PFKFB3: variants seen among roughly 807,000 people sequenced by gnomAD.
The protein encoded by PFKFB3 is 6-phosphofructo-2-kinase/fructose-2,6-biphosphatase 3, also known as 6-phosphofructo-2-kinase/fructose-2,6-bisphosphatase 3.
PFKFB3 carries 33 observed loss-of-function variants against 68.0 expected under a neutral mutation model. The observed-to-expected ratio is 0.49, with a 90% CI of 0.37 to 0.65. The LOEUF (loss-of-function observed/expected upper bound fraction) is 0.65, where lower values mean the gene tolerates loss of function less well. Among genes scored for constraint, PFKFB3 ranks in the 30% least tolerant of loss-of-function variants. PFKFB3 has a pLI of 0.00. For synonymous variants in PFKFB3, 315 were observed against 288.2 expected (o/e 1.09, Z -0.94); for missense variants, 586 against 712.2 (o/e 0.82, Z 2.02).
At chr10:6,254,808 C>CTTTTTTTTTTTTT (rs144888417), downstream of PFKFB3, among the ~76,000 whole-genome samples, 4 of 61,622 alleles carry the variant, frequency 6.5e-5, 1 homozygote, top group Admixed American at 5.4e-4. Context: ...TTTTTCTGTT[C>CTTTTTTTTTTTTT]TTTTTTTTTT....
the PFKFB3 span, among the ~76,000 whole-genome samples, chr10:6,299,968 CTTTTTT>C: frequency 2.1e-5 from 1 of 48,584 alleles, no homozygotes; most frequent in South Asian, 1.4e-3. Context: ...GTTCAGAAGA[CTTTTTT>C]TTTTTTTTTT....
chr10:6,254,490 T>G lies in PFKFB3; in HGVS notation c.*121T>G, dbSNP rs1470863972. The G allele has an allele frequency of 5.0e-6, 2 of 397,504 alleles. 1 individual carries two copies. The highest frequency in any genetic ancestry group is 8.9e-6 in the Non-Finnish European group (2 of 225,942). The allele number at this position is 397,504 out of a possible 1,614,324, so 24.6% of individuals were successfully genotyped here. On this transcript the variant is annotated 3_prime_UTR_variant, in exon 15 of 15. Coordinates refer to the PFKFB3 transcript ENST00000640683. ...GTCAGTTGTGTAAAATACAGAGGTCTCCAATGGATGATGGGTAGTTTATGA... is the reference window on the plus strand; with the variant it reads ...GTCAGTTGTGTAAAATACAGAGGTCGCCAATGGATGATGGGTAGTTTATGA...
At chr10:6,235,958 C>T (rs1216587802), downstream of PFKFB3, among the ~76,000 whole-genome samples, 1 of 151,848 alleles carries the variant, frequency 6.6e-6, no homozygotes, top group Admixed American at 6.6e-5. Context: ...TTAGAGACAG[C>T]ATTTCACCAT....
chr10:6,169,535 G>T (rs1842242123), intron 1 of PFKFB3, among the ~76,000 whole-genome samples: 1 of 152,134 alleles, frequency 6.6e-6, no homozygotes, highest in South Asian at 2.1e-4. Flanking sequence ...CATTGTGTCT[G>T]TTCCCCAGGC....
intron 14 of PFKFB3, among the ~76,000 whole-genome samples, chr10:6,244,502 A>C (rs1202971254): frequency 6.6e-6 from 1 of 152,218 alleles, no homozygotes; most frequent in Non-Finnish European, 1.5e-5. Context: ...CGCAGCATCC[A>C]GAAAAGCTGT....
At chr10:6,281,172 T>TC in the PFKFB3 span, among the ~76,000 whole-genome samples, 24 of 125,458 alleles carry the variant, frequency 1.9e-4, 5 homozygotes, top group South Asian at 1.8e-3. Flanking sequence ...CCATCATATA[T>TC]ATATATATAT....
At chr10:6,172,138 C>CT (rs1460047342) in intron 1 of PFKFB3, among the ~76,000 whole-genome samples, 3 of 152,264 alleles carry the variant, frequency 2.0e-5, no homozygotes, top group African/African-American at 7.2e-5. Context: ...TGCTGGCTCA[C>CT]TCGTTTGCTG....
chr10:6,166,125 G>A (rs1842131212), intron 1 of PFKFB3, among the ~76,000 whole-genome samples: 1 of 151,962 alleles, frequency 6.6e-6, no homozygotes, highest in Admixed American at 6.6e-5. Flanking sequence ...GATTACAGGT[G>A]CCCCGCCACC....
At chr10:6,284,666 A>G in the PFKFB3 span, among the ~76,000 whole-genome samples, 1 of 152,204 alleles carries the variant, frequency 6.6e-6, no homozygotes, top group Admixed American at 6.5e-5. Flanking sequence ...AGTGTTTGCC[A>G]AGTATCACCA....
the PFKFB3 span, among the ~76,000 whole-genome samples, chr10:6,282,016 C>T: frequency 3.4e-5 from 5 of 149,228 alleles, no homozygotes; most frequent in Admixed American, 6.7e-5. Context: ...TGGAATGCAG[C>T]GACTATTCAC....
At chr10:6,204,148 C>T (rs897981997) in intron 1 of PFKFB3, among the ~76,000 whole-genome samples, 2 of 152,270 alleles carry the variant, frequency 1.3e-5, no homozygotes, top group African/African-American at 4.8e-5. Flanking sequence ...CCAGCGATCG[C>T]TTGGGAGAGG....
chr10:6,268,104 C>T, the PFKFB3 span, among the ~76,000 whole-genome samples: 5 of 152,076 alleles, frequency 3.3e-5, no homozygotes, highest in Admixed American at 6.6e-5. Flanking sequence ...CCTGTCTCCC[C>T]TCCCCCACGC....
the PFKFB3 span, among the ~76,000 whole-genome samples, chr10:6,290,789 C>T: frequency 6.6e-6 from 1 of 152,182 alleles, no homozygotes; most frequent in Admixed American, 6.5e-5. Context: ...CAGGCATAAG[C>T]CACCACGCCT....
the PFKFB3 span, among the ~76,000 whole-genome samples, chr10:6,325,968 G>A: frequency 3.5e-3 from 535 of 152,250 alleles, 2 homozygotes; most frequent in Non-Finnish European, 6.2e-3. Context: ...CTCAGAGGTG[G>A]CTTCATAATA....
chr10:6,283,246 G>A, the PFKFB3 span, among the ~76,000 whole-genome samples: 1 of 152,202 alleles, frequency 6.6e-6, no homozygotes. Flanking sequence ...GGGATTACAG[G>A]AGTGAGCCAC....
chr10:6,256,518 C>T (rs1321000604), downstream of PFKFB3, among the ~76,000 whole-genome samples: 3 of 152,240 alleles, frequency 2.0e-5, no homozygotes, highest in African/African-American at 7.2e-5. Context: ...TCTTCGCATA[C>T]TTCATCTCCA....
chr10:6,282,040 G>A, the PFKFB3 span, among the ~76,000 whole-genome samples: 1 of 151,400 alleles, frequency 6.6e-6, no homozygotes, highest in Non-Finnish European at 1.5e-5. Context: ...CACCTTCACG[G>A]CACACTACAG....
intron 1 of PFKFB3, among the ~76,000 whole-genome samples, chr10:6,209,700 G>T (rs1844028355): frequency 6.6e-6 from 1 of 151,406 alleles, no homozygotes; most frequent in South Asian, 2.1e-4. Flanking sequence ...CCTGACCTCA[G>T]GTGGTCTGCC....
At chr10:6,283,573 A>T in the PFKFB3 span, among the ~76,000 whole-genome samples, 1 of 5,160 alleles carries the variant, frequency 1.9e-4, no homozygotes, top group Non-Finnish European at 8.8e-4. Flanking sequence ...CCTGAATGAG[A>T]GGAAAGAGCA....
Sources: gnomAD v4.1 joint callset for allele counts (sites outside exome capture counted in the v4.1 genomes callset) on GRCh38, gnomAD v4.1.1 for gene constraint, MANE v1.5 for transcripts, NCBI Gene and HGNC (gene_info 2026-07-23, HGNC 2026-07-21) for gene names.